The following ADAMTS19 variants were observed in gnomAD, a reference collection of about 807,000 sequenced individuals.
ADAMTS19 encodes ADAM metallopeptidase with thrombospondin type 1 motif 19.
In ADAMTS19, 93 loss-of-function variants were observed where a neutral mutation model predicts 153.3. That is an observed-to-expected ratio of 0.61 (90% CI 0.51 to 0.72). The LOEUF is 0.72. Ranked by LOEUF, ADAMTS19 falls within the 30% of genes least tolerant of loss-of-function variation. The probability of loss-of-function intolerance (pLI) is 0.00; values close to 1 mark genes in which losing one functional copy is unlikely to be tolerated. For synonymous variants in ADAMTS19, 600 were observed against 556.6 expected (o/e 1.08, Z -1.10); for missense variants, 1,482 against 1,552.1 (o/e 0.95, Z 0.76).
chr5:129,674,415 T>C, intron 16 of ADAMTS19, among the ~76,000 whole-genome samples: 1 of 152,192 alleles, frequency 6.6e-6, no homozygotes, highest in East Asian at 1.9e-4. Context: ...AAACATAATA[T>C]AATTTTGGCC....
chr5:129,606,019 A>C (rs2126940364), intron 8 of ADAMTS19, among the ~76,000 whole-genome samples: 1 of 152,336 alleles, frequency 6.6e-6, no homozygotes, highest in South Asian at 2.1e-4. Context: ...ATATATAATT[A>C]AACTTTGGCA....
chr5:129,554,544 C>T (rs1317671085), intron 7 of ADAMTS19, among the ~76,000 whole-genome samples: 1 of 152,106 alleles, frequency 6.6e-6, no homozygotes, highest in African/African-American at 2.4e-5. Flanking sequence ...ACCCTGATCA[C>T]TATAATCAGG....
intron 2 of ADAMTS19, among the ~76,000 whole-genome samples, chr5:129,493,082 G>C (rs1282427819): frequency 6.6e-6 from 1 of 152,032 alleles, no homozygotes; most frequent in Non-Finnish European, 1.5e-5. Flanking sequence ...TTTAACCCAA[G>C]AATAAATTAC....
At position 129,701,533 on chromosome 5, in the gene ADAMTS19, G is replaced by A; in HGVS notation, c.3100G>A (p.Ala1034Thr). 1 of 1,614,166 alleles carries A rather than the reference G, an allele frequency of 6.2e-7. No individual in the cohort carries two copies. The highest frequency in any genetic ancestry group is 8.5e-7 in the Non-Finnish European group (1 of 1,180,018). ...CTGCATTGGGCCCAAGCCCGCCTCT[G>A]CCCAGCGCTGTGAGGGCCAGGACTG... is the stretch of plus-strand genomic sequence containing the variant. Reference protein sequence around the residue: ...RDCIGPKPASAQRCEGQDCMT... With the variant: ...RDCIGPKPASTQRCEGQDCMT... Residue 1034 changes from alanine to threonine, a missense_variant, in exon 20 of 23, where the codon GCC (alanine) becomes ACC (threonine). This residue lies in a region of ADAMTS19 where 616 missense variants were observed against 724.4 expected (regional missense o/e 0.85). Coordinates refer to ENST00000274487, the MANE Select transcript of ADAMTS19 (RefSeq NM_133638.6).
intron 7 of ADAMTS19, among the ~76,000 whole-genome samples, chr5:129,568,751 G>A (rs1199062916): frequency 6.6e-6 from 1 of 152,112 alleles, no homozygotes; most frequent in African/African-American, 2.4e-5. Context: ...GAACCCAGGA[G>A]TTTGAGGTTA....
chr5:129,474,826 T>G (rs2126658121), intron 2 of ADAMTS19, among the ~76,000 whole-genome samples: 1 of 152,314 alleles, frequency 6.6e-6, no homozygotes, highest in South Asian at 2.1e-4. Context: ...TCTGTTTTCC[T>G]AGTAACTAAT....
intron 10 of ADAMTS19, among the ~76,000 whole-genome samples, chr5:129,625,763 A>G (rs566002652): frequency 5.8e-4 from 88 of 152,218 alleles, no homozygotes; most frequent in Non-Finnish European, 1.1e-3. Flanking sequence ...AGATGGGTAG[A>G]TTGCAAAAAT....
intron 8 of ADAMTS19, among the ~76,000 whole-genome samples, chr5:129,615,637 T>A (rs562176103): frequency 6.6e-6 from 1 of 152,002 alleles, no homozygotes; most frequent in South Asian, 2.1e-4. Flanking sequence ...AATACACTCA[T>A]AAGAACTAGC....
chr5:129,494,317 T>C (rs1441258767), intron 2 of ADAMTS19, among the ~76,000 whole-genome samples: 1 of 152,194 alleles, frequency 6.6e-6, no homozygotes, highest in Non-Finnish European at 1.5e-5. Flanking sequence ...TGGAAGTAGC[T>C]GATCATGCCT....
At chr5:129,501,065 A>G (rs1005444368) in intron 2 of ADAMTS19, among the ~76,000 whole-genome samples, 1 of 152,190 alleles carries the variant, frequency 6.6e-6, no homozygotes, top group Non-Finnish European at 1.5e-5. Flanking sequence ...GACTAGAAGT[A>G]TATACATACA....
chr5:129,537,832 C>T (rs571234402), intron 6 of ADAMTS19, among the ~76,000 whole-genome samples: 9 of 151,792 alleles, frequency 5.9e-5, no homozygotes, highest in East Asian at 1.9e-4. Context: ...TGCCAAATGA[C>T]GAGTTAATGG....
At chr5:129,697,801 C>G (rs988809447) in intron 19 of ADAMTS19, among the ~76,000 whole-genome samples, 6 of 152,204 alleles carry the variant, frequency 3.9e-5, no homozygotes, top group Non-Finnish European at 8.8e-5. Context: ...TTTCTCTATC[C>G]CCTTTAATAG....
At chr5:129,523,433 C>G (rs1751894903) in intron 3 of ADAMTS19, among the ~76,000 whole-genome samples, 1 of 152,116 alleles carries the variant, frequency 6.6e-6, no homozygotes, top group Admixed American at 6.6e-5. Context: ...AAGATGATAG[C>G]AGCTTAGAGA....
chr5:129,534,458 G>A (rs185655946), intron 6 of ADAMTS19, among the ~76,000 whole-genome samples: 2 of 151,996 alleles, frequency 1.3e-5, no homozygotes, highest in African/African-American at 4.8e-5. Context: ...AAAAATCCAG[G>A]ACCAGAAGGA....
intron 3 of ADAMTS19, among the ~76,000 whole-genome samples, chr5:129,522,603 T>C (rs2126753595): frequency 6.6e-6 from 1 of 151,944 alleles, no homozygotes; most frequent in Non-Finnish European, 1.5e-5. Flanking sequence ...ATTTTTAAAA[T>C]CTCCATCATT....
chr5:129,604,081 A>G (rs1750784707), intron 8 of ADAMTS19, among the ~76,000 whole-genome samples: 1 of 151,998 alleles, frequency 6.6e-6, no homozygotes, highest in Admixed American at 6.6e-5. Flanking sequence ...AGGGAGGGGA[A>G]CAACTCATAC....
chr5:129,536,968 G>A (rs1449892856), intron 6 of ADAMTS19, among the ~76,000 whole-genome samples: 1 of 151,850 alleles, frequency 6.6e-6, no homozygotes, highest in African/African-American at 2.4e-5. Flanking sequence ...TAAATGATGA[G>A]TTAATGGGTG....
At chr5:129,684,377 T>C (rs536301179) in intron 18 of ADAMTS19, 104 bp downstream of exon 18, 17 of 1,413,632 alleles carry the variant, frequency 1.2e-5, no homozygotes, top group Middle Eastern at 2.2e-4. Context: ...AATTCCAAAA[T>C]CCATAAAGAG....
intron 13 of ADAMTS19, among the ~76,000 whole-genome samples, chr5:129,653,461 A>G (rs1021046191): frequency 2.6e-5 from 4 of 152,150 alleles, no homozygotes; most frequent in Non-Finnish European, 4.4e-5. Flanking sequence ...TTTAACCCCA[A>G]ACATCCTATC....
Sources: gnomAD v4.1 joint callset for allele counts (sites outside exome capture counted in the v4.1 genomes callset) on GRCh38, gnomAD v4.1.1 for gene constraint, gnomAD v4.1.1 regional missense constraint, MANE v1.5 for transcripts, NCBI Gene and HGNC (gene_info 2026-07-23, HGNC 2026-07-21) for gene names.